The following VAPB variants were observed in gnomAD, a reference collection of about 807,000 sequenced individuals.
VAPB encodes the protein VAMP associated protein B and C, also known as vesicle-associated membrane protein-associated protein B/C.
Under a neutral mutation model 25.6 loss-of-function variants are expected in VAPB, and 7 were observed. The observed-to-expected ratio is 0.27, with a 90% CI of 0.16 to 0.51. VAPB has a LOEUF of 0.51. VAPB is among the 20% of genes least tolerant of loss of function. The pLI, the probability that VAPB is intolerant of heterozygous loss-of-function variation, is 0.97. For missense variants in VAPB, 266 were observed against 301.3 expected (o/e 0.88, Z 0.87); for synonymous variants, 112 against 109.2 (o/e 1.03, Z -0.16).
In VAPB at chr20:58,444,593, C is replaced by T. The variant is rs553046018; in HGVS notation, c.*358C>T. The T allele has an allele frequency of 1.2e-4, 55 of 458,452 alleles. No individual in the cohort carries two copies. The highest frequency in any genetic ancestry group is 6.6e-4 in the African/African-American group (33 of 50,376). 28.4% of individuals were successfully genotyped at this position (458,452 alleles called of 1,614,324 possible). ...CCTCTCTTAAAATGACACCCTTCCT[C>T]GCCTGTTGGTGCTGGCCCTTGGGGA... On this transcript the variant is annotated 3_prime_UTR_variant, in exon 6 of 6. Coordinates refer to ENST00000475243, the MANE Select transcript of VAPB (RefSeq NM_004738.5).
At chr20:58,435,712 A>C (rs950198268) in intron 3 of VAPB, among the ~76,000 whole-genome samples, 1 of 152,224 alleles carries the variant, frequency 6.6e-6, no homozygotes, top group African/African-American at 2.4e-5. Flanking sequence ...ATGAAGGAGG[A>C]GGCCAGATAT....
chr20:58,436,327 C>CTTTTTTTTTTTTTTTTTTT (rs57100987), intron 3 of VAPB, among the ~76,000 whole-genome samples: 2 of 114,964 alleles, frequency 1.7e-5, no homozygotes, highest in African/African-American at 3.3e-5. Context: ...GTTTTTCTTC[C>CTTTTTTTTTTTTTTTTTTT]TTTTTTTTTT....
intron 2 of VAPB, among the ~76,000 whole-genome samples, chr20:58,420,705 C>T (rs554288791): frequency 6.6e-6 from 1 of 152,306 alleles, no homozygotes; most frequent in East Asian, 1.9e-4. Flanking sequence ...ATCATATCTG[C>T]ACCTTAGAAA....
At chr20:58,392,337 A>T (rs1370576881) in intron 1 of VAPB, among the ~76,000 whole-genome samples, 1 of 152,230 alleles carries the variant, frequency 6.6e-6, no homozygotes, top group Non-Finnish European at 1.5e-5. Context: ...GAGAATAGCG[A>T]TCATTCTGGC....
Position 58,434,588 on chromosome 20 carries a change from A to C in VAPB, c.212-14A>C. The C allele has an allele frequency of 7.5e-7, 1 of 1,330,646 alleles. No homozygotes were observed. The highest frequency in any genetic ancestry group is 1.1e-6 in the Non-Finnish European group (1 of 922,888). 82.4% of individuals were successfully genotyped at this position (1,330,646 alleles called of 1,614,324 possible). On this transcript the variant is annotated splice_polypyrimidine_tract_variant and intron_variant, in intron 2 of 5. Transcript: ENST00000475243. ...CAAGCTCTGACCCTCCTAATGAAAT[A>C]TTTTCTTTCTCAGTGATGTTACAGC... is the stretch of plus-strand genomic sequence containing the variant.
intron 2 of VAPB, among the ~76,000 whole-genome samples, chr20:58,425,484 A>T (rs1988765113): frequency 6.6e-6 from 1 of 152,280 alleles, no homozygotes; most frequent in Non-Finnish European, 1.5e-5. Context: ...ATTAGCACCC[A>T]GAATGTGAGC....
At chr20:58,393,837 C>T (rs1987875635) in intron 1 of VAPB, among the ~76,000 whole-genome samples, 1 of 152,052 alleles carries the variant, frequency 6.6e-6, no homozygotes, top group African/African-American at 2.4e-5. Flanking sequence ...GGTTCAAGCA[C>T]TTCTCCTGCC....
At chr20:58,406,969 A>C (rs1015850160) in intron 1 of VAPB, among the ~76,000 whole-genome samples, 9 of 152,208 alleles carry the variant, frequency 5.9e-5, no homozygotes, top group African/African-American at 1.9e-4. Flanking sequence ...GAGAATAATT[A>C]CTAGATGTTC....
intron 1 of VAPB, among the ~76,000 whole-genome samples, chr20:58,415,171 G>A (rs1360898685): frequency 6.6e-6 from 1 of 152,214 alleles, no homozygotes; most frequent in African/African-American, 2.4e-5. Flanking sequence ...ACCTCTTATT[G>A]CCTTAAACAC....
In VAPB at chr20:58,446,960, C is replaced by T. The variant is rs1318041891; in HGVS notation, c.*2725C>T. ...GTGAATATGGGGCCTGTCACAACGG[C>T]CTGCCCTGCCCCAAGAGGGTTAAGA... is the stretch of plus-strand genomic sequence containing the variant. On this transcript the variant is annotated 3_prime_UTR_variant, in exon 6 of 6. Coordinates refer to ENST00000475243, the MANE Select transcript of VAPB (RefSeq NM_004738.5). The T allele has an allele frequency of 2.2e-6, 1 of 454,046 alleles. No individual in the cohort carries two copies. The highest frequency in any genetic ancestry group is 4.4e-6 in the Non-Finnish European group (1 of 226,786). 28.1% of individuals were successfully genotyped at this position (454,046 alleles called of 1,614,324 possible). A position where few individuals can be genotyped will look rare whatever the true frequency, so the allele number is the denominator to read the frequency against.
At chr20:58,420,166 G>T (rs1011093113) in intron 2 of VAPB, among the ~76,000 whole-genome samples, 1 of 152,094 alleles carries the variant, frequency 6.6e-6, no homozygotes, top group African/African-American at 2.4e-5. Context: ...TGTATTTTTA[G>T]TAGAGACAGG....
intron 1 of VAPB, among the ~76,000 whole-genome samples, chr20:58,416,221 T>G (rs1252389346): frequency 6.6e-6 from 1 of 152,192 alleles, no homozygotes; most frequent in African/African-American, 2.4e-5. Flanking sequence ...ATGTGGTTTA[T>G]ATAAGTTGAA....
chr20:58,398,500 C>A (rs1432672540), intron 1 of VAPB, among the ~76,000 whole-genome samples: 1 of 152,164 alleles, frequency 6.6e-6, no homozygotes, highest in African/African-American at 2.4e-5. Context: ...CTAGGTTGCA[C>A]TGGGGACCTG....
In VAPB at chr20:58,450,217, A is replaced by C; in HGVS notation, c.*5982A>C. ...ATCCTCTAGTACAGTATCCATGTTA[A>C]AATGTTTTTCCATTGCATCTTTTAT... On this transcript the variant is annotated 3_prime_UTR_variant, in exon 6 of 6. Transcript: ENST00000475243. The C allele has an allele frequency of 4.4e-6, 2 of 452,780 alleles. No homozygotes were observed. Among genetic ancestry groups the C allele is most frequent in the Non-Finnish European group, 8.9e-6 (2 of 225,864 alleles). 28.0% of individuals were successfully genotyped at this position (452,780 alleles called of 1,614,324 possible).
intron 1 of VAPB, among the ~76,000 whole-genome samples, chr20:58,402,824 G>A (rs914785700): frequency 3.3e-5 from 5 of 152,118 alleles, no homozygotes; most frequent in Non-Finnish European, 7.4e-5. Flanking sequence ...GGGCAATATG[G>A]CGAAACCCCA....
At chr20:58,439,236 T>TC (rs1253394370) in intron 4 of VAPB, 1 of 575,488 alleles carries the variant, frequency 1.7e-6, no homozygotes, top group Non-Finnish European at 3.1e-6. Context: ...TGACAGTGTT[T>TC]CCCCTTGAAA....
Position 58,448,668 on chromosome 20 carries a change from T to C in VAPB, c.*4433T>C, listed in dbSNP as rs1220937986. 2 of 453,828 alleles carry C rather than the reference T, an allele frequency of 4.4e-6. No individual in the cohort carries two copies. Among genetic ancestry groups the C allele is most frequent in the Admixed American group, 2.4e-5 (1 of 42,550 alleles). The allele number at this position is 453,828 out of a possible 1,614,324, so 28.1% of individuals were successfully genotyped here. A position where few individuals can be genotyped will look rare whatever the true frequency, so the allele number is the denominator to read the frequency against. On this transcript the variant is annotated 3_prime_UTR_variant, in exon 6 of 6. Coordinates refer to ENST00000475243, the MANE Select transcript of VAPB (RefSeq NM_004738.5). ...CTACTCTGCCCGTCTGTACATCTTT[T>C]GTGTCTGCCTCCGTACCTTATTCAG...
At chr20:58,416,602 A>G (rs934150349) in intron 1 of VAPB, among the ~76,000 whole-genome samples, 56 of 152,252 alleles carry the variant, frequency 3.7e-4, no homozygotes, top group African/African-American at 1.2e-3. Context: ...TGTCCCTCTA[A>G]TATGCACATG....
intron 2 of VAPB, among the ~76,000 whole-genome samples, chr20:58,423,975 T>C (rs983775215): frequency 3.9e-5 from 6 of 152,222 alleles, no homozygotes; most frequent in African/African-American, 1.4e-4. Context: ...ACAAGTTTAC[T>C]GTAATACTTA....
Sources: allele counts gnomAD v4.1 joint callset (sites outside exome capture counted in the v4.1 genomes callset), GRCh38; gene constraint gnomAD v4.1.1; transcripts MANE v1.5; gene names NCBI Gene and HGNC (gene_info 2026-07-23, HGNC 2026-07-21).